Variants in MTOR observed in about 807,000 individuals in gnomAD.
The protein encoded by MTOR is mechanistic target of rapamycin kinase, also known as serine/threonine-protein kinase mTOR.
Under a neutral mutation model 319.8 loss-of-function variants are expected in MTOR, and 70 were observed. That is an observed-to-expected ratio of 0.22 (90% CI 0.18 to 0.27). The LOEUF (loss-of-function observed/expected upper bound fraction) is 0.27, where lower values mean the gene tolerates loss of function less well. MTOR is among the 10% of genes least tolerant of loss of function. The pLI, the probability that MTOR is intolerant of heterozygous loss-of-function variation, is 1.00. For missense variants in MTOR, 1,890 were observed against 3,274.4 expected (o/e 0.58, Z 10.32); for synonymous variants, 1,183 against 1,211.4 (o/e 0.98, Z 0.49).
intron 49 of MTOR, 106 bp from the exon 50 acceptor site, chr1:11,117,192 G>C: frequency 1.1e-6 from 1 of 900,938 alleles, no homozygotes; most frequent in South Asian, 1.8e-5. Context: ...ACCGAGTCTC[G>C]CTCTGTCGCC....
intron 25 of MTOR, among the ~76,000 whole-genome samples, chr1:11,208,359 G>A (rs1646205534): frequency 6.6e-6 from 1 of 152,256 alleles, no homozygotes; most frequent in Admixed American, 6.5e-5. Flanking sequence ...TGAAACAACA[G>A]TAATAAACCC....
At chr1:11,191,246 A>G (rs1040824002) in intron 28 of MTOR, among the ~76,000 whole-genome samples, 12 of 152,158 alleles carry the variant, frequency 7.9e-5, no homozygotes, top group Non-Finnish European at 1.5e-4. Context: ...CTTCTCTATG[A>G]CCAAGTGCTC....
chr1:11,225,562 C>T (rs1646808000), intron 19 of MTOR, among the ~76,000 whole-genome samples: 1 of 152,044 alleles, frequency 6.6e-6, no homozygotes, highest in Middle Eastern at 3.4e-3. Context: ...GCTGGGATTA[C>T]AAGCATGTGC....
intron 28 of MTOR, among the ~76,000 whole-genome samples, chr1:11,178,437 C>T (rs575776730): frequency 1.3e-5 from 2 of 152,320 alleles, no homozygotes; most frequent in East Asian, 3.9e-4. Context: ...TGATGAATGG[C>T]TGTCACATTT....
intron 18 of MTOR, among the ~76,000 whole-genome samples, chr1:11,230,102 T>TA (rs1302196529): frequency 6.9e-6 from 1 of 145,212 alleles, no homozygotes; most frequent in Non-Finnish European, 1.5e-5. Context: ...CTGAGTCAAT[T>TA]AAAAATAAAA....
intron 23 of MTOR, among the ~76,000 whole-genome samples, chr1:11,211,289 A>G (rs1051765932): frequency 2.6e-5 from 4 of 152,248 alleles, no homozygotes; most frequent in Non-Finnish European, 5.9e-5. Flanking sequence ...AGTGATTTGC[A>G]TATTTTAGTG....
At chr1:11,221,801 ATATG>A (rs970149388) in intron 19 of MTOR, among the ~76,000 whole-genome samples, 10 of 149,850 alleles carry the variant, frequency 6.7e-5, no homozygotes, top group East Asian at 1.9e-4. Flanking sequence ...TTACATATAT[ATATG>A]TATCTTTCTT....
intron 1 of MTOR, among the ~76,000 whole-genome samples, chr1:11,260,265 G>A (rs58617032): frequency 0.031 from 4,747 of 152,268 alleles, 190 homozygotes; most frequent in African/African-American, 0.074. Context: ...AATTTAGGCC[G>A]GGCACAGTGG....
intron 29 of MTOR, among the ~76,000 whole-genome samples, chr1:11,160,419 A>T (rs1472600836): frequency 6.6e-6 from 1 of 152,044 alleles, no homozygotes; most frequent in African/African-American, 2.4e-5. Flanking sequence ...ATATTTTCTA[A>T]AGAACTGGCC....
Position 11,199,529 on chromosome 1 carries a change from GAA to G in MTOR, c.4107+10_4107+11del. 1 of 1,614,162 alleles carries G rather than the reference GAA, an allele frequency of 6.2e-7. No homozygotes were observed. The highest frequency in any genetic ancestry group is 8.5e-7 in the Non-Finnish European group (1 of 1,180,008). On this transcript the variant is annotated intron_variant, in intron 27 of 57. Coordinates refer to ENST00000361445, the MANE Select transcript of MTOR (RefSeq NM_004958.4). The surrounding 1 kb of genome is among the most constrained non-coding windows in gnomAD (Gnocchi z 4.5). ...TGTCAGCCTCCATCTGGACAATGGG[GAA>G]AAGTCTCACCTTGTCACTGTGTTCC...
chr1:11,245,606 C>A (rs1205592), intron 8 of MTOR, among the ~76,000 whole-genome samples: 2 of 151,936 alleles, frequency 1.3e-5, no homozygotes, highest in Admixed American at 6.6e-5. Context: ...AAATCAAGAG[C>A]ATAATTTCCT....
intron 28 of MTOR, among the ~76,000 whole-genome samples, chr1:11,167,973 C>T (rs188039742): frequency 4.3e-4 from 65 of 151,654 alleles, no homozygotes; most frequent in Non-Finnish European, 9.4e-4. Flanking sequence ...AGGAGGCTGA[C>T]GCGGGAGAAT....
intron 19 of MTOR, among the ~76,000 whole-genome samples, chr1:11,222,564 C>G (rs974883914): frequency 3.3e-5 from 5 of 151,992 alleles, no homozygotes; most frequent in Admixed American, 3.3e-4. Context: ...TTACACTCCT[C>G]CTGGGCTCAA....
At chr1:11,136,630 C>T (rs997305668) in intron 36 of MTOR, among the ~76,000 whole-genome samples, 1 of 151,978 alleles carries the variant, frequency 6.6e-6, no homozygotes, top group Non-Finnish European at 1.5e-5. Flanking sequence ...CTCCCAGTAG[C>T]TGAAACTACA....
chr1:11,114,732 G>GGGCT, intron 52 of MTOR, 81 bp downstream of exon 52: 1 of 1,368,110 alleles, frequency 7.3e-7, no homozygotes, highest in Non-Finnish European at 1.0e-6. Context: ...GAGAACTGAT[G>GGGCT]GGCTCTAACA....
intron 28 of MTOR, among the ~76,000 whole-genome samples, chr1:11,172,846 A>G (rs1644865016): frequency 7.0e-6 from 1 of 143,884 alleles, no homozygotes; most frequent in Non-Finnish European, 1.5e-5. Context: ...TGAGCGAAAA[A>G]AGCAAGACTC....
At chr1:11,158,544 G>A (rs1206863483) in intron 29 of MTOR, among the ~76,000 whole-genome samples, 1 of 152,072 alleles carries the variant, frequency 6.6e-6, no homozygotes, top group Admixed American at 6.6e-5. Context: ...TTGTCAAAAT[G>A]AGCGTATCTG....
chr1:11,247,069 G>C (rs1319491632), intron 8 of MTOR, among the ~76,000 whole-genome samples: 5 of 152,206 alleles, frequency 3.3e-5, no homozygotes, highest in African/African-American at 4.8e-5. Context: ...AAGGGCGGAG[G>C]TGGGGTTCAT....
chr1:11,198,856 T>C (rs1645871666), intron 28 of MTOR, among the ~76,000 whole-genome samples: 1 of 152,174 alleles, frequency 6.6e-6, no homozygotes, highest in Non-Finnish European at 1.5e-5. Flanking sequence ...TAGATTTAGT[T>C]GATAAAACCC....
Sources: allele counts gnomAD v4.1 joint callset (sites outside exome capture counted in the v4.1 genomes callset), GRCh38; gene constraint gnomAD v4.1.1; non-coding constraint Gnocchi (gnomAD v3.1); transcripts MANE v1.5; gene names NCBI Gene and HGNC (gene_info 2026-07-23, HGNC 2026-07-21).